The following SETX variants were observed in gnomAD, a reference collection of about 807,000 sequenced individuals.
SETX encodes helicase senataxin.
In SETX, 90 loss-of-function variants were observed where a neutral mutation model predicts 227.2. The ratio of observed to expected loss-of-function variants is 0.40; its 90% CI spans 0.33 to 0.47. The LOEUF is 0.47. Ranked by LOEUF, SETX falls within the 20% of genes least tolerant of loss-of-function variation. The pLI, the probability that SETX is intolerant of heterozygous loss-of-function variation, is 0.91. For synonymous variants in SETX, 1,210 were observed against 1,113.2 expected (o/e 1.09, Z -1.73); for missense variants, 3,052 against 3,181.5 (o/e 0.96, Z 0.98).
intron 10 of SETX, among the ~76,000 whole-genome samples, chr9:132,316,807 C>T (rs1335534805): frequency 1.3e-5 from 2 of 152,198 alleles, no homozygotes; most frequent in Admixed American, 1.3e-4. Context: ...GTGCCACTCT[C>T]GTATGTGTCT....
intron 4 of SETX, among the ~76,000 whole-genome samples, chr9:132,343,675 A>G (rs1848123388): frequency 6.6e-6 from 1 of 152,178 alleles, no homozygotes; most frequent in Non-Finnish European, 1.5e-5. Context: ...AGGCATAATG[A>G]GTAGAAAAGC....
chr9:132,320,578 A>T (rs1846257453), intron 10 of SETX, among the ~76,000 whole-genome samples: 1 of 133,966 alleles, frequency 7.5e-6, no homozygotes, highest in Non-Finnish European at 1.6e-5. Flanking sequence ...TGAGCAACAG[A>T]GCGAGACTCC....
intron 23 of SETX, among the ~76,000 whole-genome samples, chr9:132,274,461 T>TG (rs1564474003): frequency 1.3e-5 from 2 of 149,280 alleles, no homozygotes; most frequent in Non-Finnish European, 3.0e-5. Flanking sequence ...TTTTTTGAGA[T>TG]GGAGTCTCGC....
At chr9:132,297,536 C>T (rs1012721218) in intron 13 of SETX, among the ~76,000 whole-genome samples, 3 of 152,208 alleles carry the variant, frequency 2.0e-5, no homozygotes, top group African/African-American at 7.2e-5. Context: ...TAGGCCACTA[C>T]GCTCCTAACC....
At position 132,338,448 on chromosome 9, in the gene SETX, A is replaced by G. The variant is rs75232763; in HGVS notation, c.499-1933T>C. 9.5e-3 allele frequency among the ~76,000 whole-genome samples: 1,441 copies of G among 152,260 alleles called. 26 individuals are homozygous for G. The highest frequency in any genetic ancestry group is 0.033 in the African/African-American group (1,384 of 41,546). On this transcript the variant is annotated intron_variant, in intron 5 of 25. Coordinates refer to ENST00000224140, the MANE Select transcript of SETX (RefSeq NM_015046.7). ...AATGACTGTATTCTTCAGAAAAGTA[A>G]TTTTCATGTAAGACAATGAAATGTT...
chr9:132,343,270 G>A (rs1848101051), intron 4 of SETX, among the ~76,000 whole-genome samples: 1 of 152,112 alleles, frequency 6.6e-6, no homozygotes, highest in African/African-American at 2.4e-5. Flanking sequence ...AGTGAGCTGA[G>A]ATCATGCCAT....
intron 10 of SETX, among the ~76,000 whole-genome samples, chr9:132,324,091 C>T (rs1316989328): frequency 1.3e-5 from 2 of 152,010 alleles, no homozygotes; most frequent in African/African-American, 4.8e-5. Context: ...TTTTAAAAAG[C>T]TGAGACTACA....
Position 132,327,431 on chromosome 9 carries a change from T to C in SETX, c.4167A>G (p.Pro1389=), listed in dbSNP as rs767812158. The C allele has an allele frequency of 1.2e-6, 2 of 1,614,184 alleles. No individual in the cohort carries two copies. The highest frequency in any genetic ancestry group is 1.7e-5 in the Admixed American group (1 of 60,020). ...HTAQNSDIFV[P]ESDRSDYNCT... ...AATTATAATCTGACCTATCAGATTC[T>C]GGTACAAATATGTCAGAATTCTGTG... The change falls in exon 10 of 26, where the codon CCA becomes CCG. Residue 1389 remains proline (P), a synonymous_variant. Transcript: ENST00000224140.
At position 132,288,371 on chromosome 9, in the gene SETX, A is replaced by C. The variant is rs779008285; in HGVS notation, c.6209-20T>G. 1 of 1,558,728 alleles carries C rather than the reference A, an allele frequency of 6.4e-7. No individual in the cohort carries two copies. Among genetic ancestry groups the C allele is most frequent in the Non-Finnish European group, 8.8e-7 (1 of 1,135,616 alleles). ...CTTTTTCTAATAAAAATAACAAATA[A>C]AAAATTATATGCTATTCTAATTCTA... is the stretch of plus-strand genomic sequence containing the variant. On this transcript the variant is annotated intron_variant, in intron 16 of 25. Coordinates refer to ENST00000224140, the MANE Select transcript of SETX (RefSeq NM_015046.7).
intron 23 of SETX, among the ~76,000 whole-genome samples, chr9:132,274,387 G>A (rs955403595): frequency 6.6e-6 from 1 of 150,988 alleles, no homozygotes; most frequent in Non-Finnish European, 1.5e-5. Flanking sequence ...TTGGTTCTGG[G>A]CTTTTCATTA....
chr9:132,284,199 G>A lies in SETX; in HGVS notation c.6397-786C>T, dbSNP rs574488437. ...GTCAGACACTGTCCTCAGCCACCTA[G>A]TGAGTACAACTGCTGAGCATAGTTT... On this transcript the variant is annotated intron_variant, in intron 18 of 25. Coordinates refer to ENST00000224140, the MANE Select transcript of SETX (RefSeq NM_015046.7). 1.2e-4 allele frequency among the ~76,000 whole-genome samples: 19 copies of A among 152,326 alleles called. No individual in the cohort carries two copies. The East Asian group carries it at 3.5e-3, about 28-fold the overall frequency.
chr9:132,346,656 G>C (rs944192304), intron 3 of SETX, among the ~76,000 whole-genome samples, 185 bp from the exon 4 acceptor site: 23 of 152,034 alleles, frequency 1.5e-4, no homozygotes, highest in Admixed American at 3.9e-4. Context: ...TGAGTACACA[G>C]AGTATGAGAT....
intron 10 of SETX, among the ~76,000 whole-genome samples, chr9:132,314,009 G>A (rs1441048013): frequency 6.6e-6 from 1 of 151,766 alleles, no homozygotes; most frequent in Non-Finnish European, 1.5e-5. Flanking sequence ...TCCGCTCACT[G>A]CAACCTCCGC....
Position 132,327,682 on chromosome 9 carries a change from A to G in SETX, c.3916T>C (p.Tyr1306His). The change falls in exon 10 of 26, where the codon TAT becomes CAT. Residue 1306 changes from tyrosine (Y) to histidine (H), a missense_variant. Coordinates refer to ENST00000224140, the MANE Select transcript of SETX (RefSeq NM_015046.7). ...CCATGATCACGTAATTGAGCTACAT[A>G]ATCCAAAGACCGCTGGGACAACTCA... ...AYELSQRSLD[Y>H]VAQLRDHGKT... The G allele has an allele frequency of 6.2e-7, 1 of 1,613,906 alleles. No homozygotes were observed. The highest frequency in any genetic ancestry group is 8.5e-7 in the Non-Finnish European group (1 of 1,179,960).
At position 132,264,685 on chromosome 9, in the gene SETX, G is replaced by A; in HGVS notation, c.7588C>T (p.Pro2530Ser). 1 of 1,614,226 alleles carries A rather than the reference G, an allele frequency of 6.2e-7. No homozygotes were observed. The highest frequency in any genetic ancestry group is 8.5e-7 in the Non-Finnish European group (1 of 1,180,038). ...TCCTGAAGTTGGTCATGAACAGGAG[G>A]TCTTTCAGGGTCCTTTGAAGTAACA... is the stretch of plus-strand genomic sequence containing the variant. Reference protein sequence around the residue: ...LTVTSKDPERPPVHDQLQDPR... With the variant: ...LTVTSKDPERSPVHDQLQDPR... Residue 2530 changes from proline (P) to serine (S), a missense_variant, in exon 26 of 26, where the codon CCT becomes TCT. By Grantham distance (74) the Pro-to-Ser change is moderately conservative. Coordinates refer to ENST00000224140, the MANE Select transcript of SETX (RefSeq NM_015046.7).
chr9:132,268,921 C>G (rs917506704), intron 25 of SETX, among the ~76,000 whole-genome samples: 7 of 152,218 alleles, frequency 4.6e-5, no homozygotes, highest in African/African-American at 1.7e-4. Flanking sequence ...TGAGCGCCAC[C>G]TGGTGGCAGG....
rs1358141913 is a variant in SETX at position 132,262,155 on chromosome 9, C to A, written c.*2084G>T. ...AGAATCAGATCTGCTGAGTGGTGAA[C>A]CAACAGGTGAACACAACGTAAGAAC... On this transcript the variant is annotated 3_prime_UTR_variant, in exon 26 of 26. Transcript: ENST00000224140. 1.3e-5 allele frequency: 2 copies of A among 152,136 alleles called. No individual in the cohort carries two copies. The highest frequency in any genetic ancestry group is 2.9e-5 in the Non-Finnish European group (2 of 68,020). 9.4% of individuals were successfully genotyped at this position (152,136 alleles called of 1,614,324 possible).
chr9:132,340,714 T>C (rs1847906564), intron 5 of SETX, among the ~76,000 whole-genome samples: 1 of 152,242 alleles, frequency 6.6e-6, no homozygotes, highest in Admixed American at 6.5e-5. Flanking sequence ...CTCCACCTGC[T>C]TGTCTCAGTG....
At position 132,265,210 on chromosome 9, in the gene SETX, G is replaced by C. The variant is rs984651036; in HGVS notation, c.7288-225C>G. Among the ~76,000 whole-genome samples the C allele has an allele frequency of 4.1e-5, 6 of 146,156 alleles. No individual in the cohort carries two copies. In the East Asian group the frequency reaches 8.2e-4, roughly 20 times the overall value. On this transcript the variant is annotated intron_variant, in intron 25 of 25. Coordinates refer to ENST00000224140, the MANE Select transcript of SETX (RefSeq NM_015046.7). Reference sequence around the variant, plus strand: ...AGACCTGGTCACAACCTATAATGGAGAACTTCAACTTTTGTTTTTTTTTTT... The same window carrying C: ...AGACCTGGTCACAACCTATAATGGACAACTTCAACTTTTGTTTTTTTTTTT...
Sources: gnomAD v4.1 joint callset for allele counts (sites outside exome capture counted in the v4.1 genomes callset) on GRCh38, gnomAD v4.1.1 for gene constraint, MANE v1.5 for transcripts, NCBI Gene and HGNC (gene_info 2026-07-23, HGNC 2026-07-21) for gene names.